The following MCTP2 variants were observed in gnomAD, a reference collection of about 807,000 sequenced individuals.
The protein encoded by MCTP2 is multiple C2 and transmembrane domain containing 2.
A neutral mutation model predicts 111.6 loss-of-function variants in MCTP2; 132 were observed. That is an observed-to-expected ratio of 1.18 (90% CI 1.03 to 1.37). MCTP2 has a LOEUF of 1.37. Among genes scored for constraint, MCTP2 ranks in the 40% most tolerant of loss-of-function variants. The pLI, the probability that MCTP2 is intolerant of heterozygous loss-of-function variation, is 0.00. For missense variants in MCTP2, 1,183 were observed against 1,067.9 expected, an observed-to-expected ratio of 1.11 and a Z score of -1.50; for synonymous variants, 395 against 387.7, an observed-to-expected ratio of 1.02 and a Z score of -0.22.
intron 10 of MCTP2, among the ~76,000 whole-genome samples, chr15:94,360,243 C>A (rs543757111): frequency 2.0e-5 from 3 of 152,154 alleles, no homozygotes; most frequent in Non-Finnish European, 4.4e-5. Context: ...CTTCCCTGGC[C>A]GTCTCCCAGC....
intron 8 of MCTP2, among the ~76,000 whole-genome samples, chr15:94,353,623 G>C (rs1487808540): frequency 6.6e-6 from 1 of 152,150 alleles, no homozygotes; most frequent in Non-Finnish European, 1.5e-5. Flanking sequence ...TTTATAAAAA[G>C]GATTTTGAAA....
At chr15:94,244,724 A>T (rs2071616226) in intron 1 of MCTP2, among the ~76,000 whole-genome samples, 1 of 149,468 alleles carries the variant, frequency 6.7e-6, no homozygotes. Flanking sequence ...CTATGTTTAT[A>T]TTCGTATATG....
chr15:94,458,114 A>C (rs973121235), intron 19 of MCTP2, 23 bp from the exon 20 acceptor site: 2 of 1,353,770 alleles, frequency 1.5e-6, no homozygotes, highest in African/African-American at 2.9e-5. Flanking sequence ...AACTGAGTTA[A>C]ATCTTGCTTT....
At chr15:94,363,298 G>A (rs2079032658) in intron 10 of MCTP2, among the ~76,000 whole-genome samples, 2 of 152,108 alleles carry the variant, frequency 1.3e-5, no homozygotes, top group South Asian at 4.1e-4. Context: ...ATGAGCCTCG[G>A]GCTACTACAA....
intron 1 of MCTP2, among the ~76,000 whole-genome samples, chr15:94,280,984 G>A (rs1382399228): frequency 6.6e-6 from 1 of 151,974 alleles, no homozygotes. Context: ...TTGCTTTATG[G>A]CCAAACATAT....
chr15:94,290,732 C>T (rs2074993351), intron 1 of MCTP2, among the ~76,000 whole-genome samples: 1 of 152,112 alleles, frequency 6.6e-6, no homozygotes, highest in Non-Finnish European at 1.5e-5. Context: ...CACACAAACA[C>T]AAACCAAAAG....
intron 20 of MCTP2, among the ~76,000 whole-genome samples, chr15:94,464,261 A>ATATATATATTATATATATATATTATAT (rs1555481443): frequency 1.6e-4 from 7 of 43,320 alleles, no homozygotes; most frequent in East Asian, 1.6e-3. Context: ...TATATATTAT[A>ATATATATATTATATATATATATTATAT]TATATATATA....
intron 20 of MCTP2, among the ~76,000 whole-genome samples, chr15:94,468,093 T>G (rs906034460): frequency 4.0e-5 from 6 of 151,370 alleles, no homozygotes; most frequent in African/African-American, 1.4e-4. Context: ...AGCAACAAAC[T>G]GAAAGAATAT....
intron 1 of MCTP2, among the ~76,000 whole-genome samples, chr15:94,245,220 A>ATATACATATGTATG (rs1364042934): frequency 1.6e-5 from 2 of 126,926 alleles, no homozygotes; most frequent in Admixed American, 8.0e-5. Context: ...ACATATGTGT[A>ATATACATATGTATG]TATATACATA....
intron 12 of MCTP2, among the ~76,000 whole-genome samples, chr15:94,380,779 A>G (rs1012373885): frequency 3.2e-4 from 49 of 151,876 alleles, no homozygotes; most frequent in East Asian, 7.7e-4. Context: ...AAAAAAAAAA[A>G]GGGGGGGTTA....
chr15:94,355,228 A>G (rs1365117984), intron 8 of MCTP2, among the ~76,000 whole-genome samples: 1 of 152,248 alleles, frequency 6.6e-6, no homozygotes, highest in Non-Finnish European at 1.5e-5. Flanking sequence ...TTATGTAAAA[A>G]CAAATGTGGA....
chr15:94,325,976 T>G (rs140425414), intron 4 of MCTP2, among the ~76,000 whole-genome samples: 1 of 151,778 alleles, frequency 6.6e-6, no homozygotes, highest in Non-Finnish European at 1.5e-5. Context: ...TGCGCCACCA[T>G]GCCCAGCTAA....
intron 5 of MCTP2, 110 bp from the exon 6 acceptor site, chr15:94,340,089 A>C (rs956338916): frequency 5.4e-6 from 4 of 745,016 alleles, no homozygotes; most frequent in Non-Finnish European, 9.3e-6. Flanking sequence ...GTATTTCAAG[A>C]TCTGAAAGAC....
chr15:94,386,805 A>T (rs1235036228), intron 14 of MCTP2, among the ~76,000 whole-genome samples: 2 of 151,860 alleles, frequency 1.3e-5, no homozygotes, highest in African/African-American at 4.8e-5. Flanking sequence ...ATGACTTAAA[A>T]ACAAAACAAA....
chr15:94,237,806 C>T lies in MCTP2; in HGVS notation c.-66+6142C>T, dbSNP rs1596121677. Among the ~76,000 whole-genome samples the T allele has an allele frequency of 2.6e-5, 4 of 152,294 alleles. No homozygotes were observed. The South Asian group carries it at 8.3e-4, about 32-fold the overall frequency. On this transcript the variant is annotated intron_variant, in intron 1 of 22. Coordinates refer to ENST00000357742, the MANE Select transcript of MCTP2 (RefSeq NM_001385001.1). Reference sequence around the variant, plus strand: ...ATAGGAAACATTTGTCATCTGTCATCTCTAAGGGCAGCCACTGTAAGACTT... The same window carrying T: ...ATAGGAAACATTTGTCATCTGTCATTTCTAAGGGCAGCCACTGTAAGACTT...
At position 94,328,875 on chromosome 15, in the gene MCTP2, G is replaced by T. The variant is rs965251416; in HGVS notation, c.638-10415G>T. Among the ~76,000 whole-genome samples the T allele has an allele frequency of 2.6e-5, 4 of 152,286 alleles. No homozygotes were observed. In the South Asian group the frequency reaches 8.3e-4, roughly 32 times the overall value. On this transcript the variant is annotated intron_variant, in intron 4 of 22. Coordinates refer to ENST00000357742, the MANE Select transcript of MCTP2 (RefSeq NM_001385001.1). ...GGCTATTGGGGTCCTATCTTTGGAA[G>T]ACTTGAAGGTTTGTTGATTCCCATA...
At chr15:94,388,748 C>G (rs984540651) in intron 14 of MCTP2, among the ~76,000 whole-genome samples, 1 of 152,046 alleles carries the variant, frequency 6.6e-6, no homozygotes, top group Non-Finnish European at 1.5e-5. Context: ...ATGAGGCAGC[C>G]TTTATTATTA....
chr15:94,365,151 TATGATGCTAATATC>T (rs1410849506), intron 10 of MCTP2, among the ~76,000 whole-genome samples: 3 of 151,996 alleles, frequency 2.0e-5, no homozygotes, highest in South Asian at 2.1e-4. Flanking sequence ...TTTTGATTGA[TATGATGCTAATATC>T]ATGATGCTAA....
chr15:94,320,343 G>A (rs1280756023), intron 4 of MCTP2, among the ~76,000 whole-genome samples: 4 of 151,772 alleles, frequency 2.6e-5, no homozygotes, highest in Admixed American at 6.6e-5. Context: ...GGGTTTCACC[G>A]TGTTAGCCAG....
Sources: gnomAD v4.1 joint callset for allele counts (sites outside exome capture counted in the v4.1 genomes callset) on GRCh38, gnomAD v4.1.1 for gene constraint, MANE v1.5 for transcripts, NCBI Gene and HGNC (gene_info 2026-07-23, HGNC 2026-07-21) for gene names.